The following WDFY4 variants were observed in gnomAD, a reference collection of about 807,000 sequenced individuals.
The protein encoded by WDFY4 is WDFY family member 4.
WDFY4 carries 169 observed loss-of-function variants against 351.9 expected under a neutral mutation model. The ratio of observed to expected loss-of-function variants is 0.48; its 90% CI spans 0.42 to 0.55. The LOEUF (loss-of-function observed/expected upper bound fraction) is 0.55, where lower values mean the gene tolerates loss of function less well. Among genes scored for constraint, WDFY4 ranks in the 20% least tolerant of loss-of-function variants. The pLI is 0.00. For synonymous variants in WDFY4, 1,622 were observed against 1,574.6 expected (o/e 1.03, Z -0.71); for missense variants, 3,803 against 3,935.6 (o/e 0.97, Z 0.90).
At chr10:48,763,222 C>G (rs150806267) in intron 13 of WDFY4, among the ~76,000 whole-genome samples, 13 of 152,276 alleles carry the variant, frequency 8.5e-5, no homozygotes, top group African/African-American at 3.1e-4. Context: ...GAGATGCTTC[C>G]CATTCTGCAG....
At chr10:48,877,383 A>G (rs2620880) in intron 43 of WDFY4, among the ~76,000 whole-genome samples, 184 bp downstream of exon 43, 70,237 of 152,036 alleles carry the variant, frequency 0.46, 18,368 homozygotes, top group East Asian at 0.71. Context: ...CCAGAGAAAG[A>G]GTGCAAAGGG....
chr10:48,731,329 A>T lies in WDFY4; in HGVS notation c.1349A>T (p.Gln450Leu), dbSNP rs1157533542. ...KPAPVQEHFFQLLEALVFELH... is the reference protein window; with the variant it reads ...KPAPVQEHFFLLLEALVFELH... ...GCCCCAGTGCAGGAACACTTCTTCC[A>T]GCTTCTAGAGGCCCTGGTGTTCGAG... The change falls in exon 9 of 62, where the codon CAG (glutamine) becomes CTG (leucine). Residue 450 changes from glutamine to leucine, a missense_variant. Transcript: ENST00000325239. 2.6e-6 allele frequency: 4 copies of T among 1,551,804 alleles called. No homozygotes were observed. The South Asian group carries it at 4.8e-5, about 18-fold the overall frequency.
At position 48,788,737 on chromosome 10, in the gene WDFY4, T is replaced by A. The variant is rs1036742554; in HGVS notation, c.3954+62T>A. 2.1e-5 allele frequency: 32 copies of A among 1,536,692 alleles called. 1 individual carries two copies. In the African/African-American group the frequency reaches 4.0e-4, roughly 19 times the overall value. On this transcript the variant is annotated intron_variant, in intron 21 of 61. Transcript: ENST00000325239. ...ATCTGGTTTCATGGTTTGCATTAGC[T>A]TTCAGTGCTTAAGTAAACACTATTT...
chr10:48,843,067 T>C (rs1259659173), intron 39 of WDFY4, among the ~76,000 whole-genome samples: 1 of 152,212 alleles, frequency 6.6e-6, no homozygotes, highest in Non-Finnish European at 1.5e-5. Context: ...CTCATCCAGG[T>C]AACAACCACT....
intron 23 of WDFY4, among the ~76,000 whole-genome samples, chr10:48,793,923 A>G (rs2066766477): frequency 6.6e-6 from 1 of 152,200 alleles, no homozygotes; most frequent in African/African-American, 2.4e-5. Context: ...TTCTCAGACT[A>G]AGCAATAGCC....
chr10:48,908,169 C>T (rs2133448060), intron 47 of WDFY4, among the ~76,000 whole-genome samples: 1 of 152,312 alleles, frequency 6.6e-6, no homozygotes, highest in African/African-American at 2.4e-5. Flanking sequence ...TGATGCAAGC[C>T]CCAGTCACTG....
chr10:48,915,974 A>C lies in WDFY4; in HGVS notation c.7586+14111A>C, dbSNP rs555205138. Among the ~76,000 whole-genome samples the C allele has an allele frequency of 8.9e-4, 136 of 152,348 alleles. No individual in the cohort carries two copies. In the South Asian group the frequency reaches 0.013, roughly 15 times the overall value. On this transcript the variant is annotated intron_variant, in intron 47 of 61. Transcript: ENST00000325239. ...CAGCTCTGAGAAACCAGATAGGATA[A>C]AACAGCTTAAAAAACAAAGTGGAGT... is the stretch of plus-strand genomic sequence containing the variant.
At chr10:48,835,950 C>T (rs2068375798) in intron 39 of WDFY4, among the ~76,000 whole-genome samples, 2 of 152,240 alleles carry the variant, frequency 1.3e-5, no homozygotes, top group Non-Finnish European at 1.5e-5. Flanking sequence ...CACGGTAGGC[C>T]CTTAAAGAAT....
chr10:48,699,203 A>G (rs2063413110), intron 1 of WDFY4, among the ~76,000 whole-genome samples: 1 of 152,138 alleles, frequency 6.6e-6, no homozygotes, highest in Non-Finnish European at 1.5e-5. Context: ...CAGGGTGACC[A>G]TGGAGAAGAG....
At position 48,702,586 on chromosome 10, in the gene WDFY4, G is replaced by A. The variant is rs74870742; in HGVS notation, c.-17-7130G>A. Among the ~76,000 whole-genome samples, 1,270 of 152,216 alleles carry A rather than the reference G, an allele frequency of 8.3e-3. 23 individuals are homozygous for A. Among genetic ancestry groups the A allele is most frequent in the African/African-American group, 0.028 (1,177 of 41,512 alleles). On this transcript the variant is annotated intron_variant, in intron 1 of 61. Coordinates refer to ENST00000325239, the MANE Select transcript of WDFY4 (RefSeq NM_001394531.1). The stretch of plus-strand genomic sequence containing the variant: ...CGTGTGTTCCTTTGTACTGTAGAGA[G>A]GGATTCTGCTGTATGGATGGATGAT...
intron 13 of WDFY4, among the ~76,000 whole-genome samples, chr10:48,766,875 A>G (rs17836435): frequency 0.053 from 8,119 of 152,318 alleles, 455 homozygotes; most frequent in East Asian, 0.28. Context: ...GGTAATGAAC[A>G]TGCATAAGTG....
chr10:48,738,237 T>A (rs993946226), intron 11 of WDFY4, among the ~76,000 whole-genome samples: 2 of 152,228 alleles, frequency 1.3e-5, no homozygotes, highest in African/African-American at 4.8e-5. Context: ...AAAAGAGTGA[T>A]CTGCTTTGCT....
Position 48,974,527 on chromosome 10 carries a change from A to AAAAAAAAAAACAAAACAAAACAAC in WDFY4, c.8929-333_8929-332insAAAAAAAACAAAACAAAACAACAA. On this transcript the variant is annotated intron_variant, in intron 57 of 61. Coordinates refer to ENST00000325239, the MANE Select transcript of WDFY4 (RefSeq NM_001394531.1). ...CAAAAAAAAAAAAAAAAAAAAAAAAAAACAACTCATGACATGAACTGCTCC... is the reference window on the plus strand; with the variant it reads ...CAAAAAAAAAAAAAAAAAAAAAAAAAAAAAAAAAAACAAAACAAAACAACAACAACTCATGACATGAACTGCTCC... Among the ~76,000 whole-genome samples the AAAAAAAAAAACAAAACAAAACAAC allele has an allele frequency of 8.6e-5, 2 of 23,148 alleles. 1 individual carries two copies. Among genetic ancestry groups the AAAAAAAAAAACAAAACAAAACAAC allele is most frequent in the African/African-American group, 1.5e-4 (2 of 13,752 alleles). The allele number at this position is 23,148 out of a possible 152,430, so 15.2% of individuals were successfully genotyped here. A position where few individuals can be genotyped will look rare whatever the true frequency, so the allele number is the denominator to read the frequency against.
At chr10:48,875,550 G>A (rs1280239493) in intron 42 of WDFY4, among the ~76,000 whole-genome samples, 1 of 152,142 alleles carries the variant, frequency 6.6e-6, no homozygotes, top group East Asian at 1.9e-4. Context: ...GAGTAGCTGG[G>A]ACTACAGGTA....
intron 1 of WDFY4, among the ~76,000 whole-genome samples, chr10:48,700,295 G>A (rs528659982): frequency 1.6e-4 from 24 of 152,250 alleles, no homozygotes; most frequent in African/African-American, 5.5e-4. Flanking sequence ...TGCTTTGTAC[G>A]TTATGTAGAC....
intron 24 of WDFY4, among the ~76,000 whole-genome samples, chr10:48,802,342 C>T (rs2051963975): frequency 6.6e-6 from 1 of 152,174 alleles, no homozygotes; most frequent in Non-Finnish European, 1.5e-5. Context: ...GGCCACTGCG[C>T]TCCAGCTTGG....
chr10:48,974,829 T>A, intron 57 of WDFY4, 33 bp from the exon 58 acceptor site: 2 of 1,492,588 alleles, frequency 1.3e-6, no homozygotes, highest in Non-Finnish European at 1.8e-6. Context: ...GAATTGAGGG[T>A]CCCTCTCCTA....
intron 60 of WDFY4, 36 bp downstream of exon 60, chr10:48,978,429 T>TTGCCC: frequency 6.5e-7 from 1 of 1,526,954 alleles, no homozygotes; most frequent in Non-Finnish European, 8.8e-7. Context: ...CGTCCTGGCC[T>TTGCCC]TGCCCTGCCC....
intron 1 of WDFY4, 75 bp from the exon 2 acceptor site, chr10:48,709,641 A>G: frequency 7.7e-7 from 1 of 1,301,608 alleles, no homozygotes; most frequent in Non-Finnish European, 1.1e-6. Context: ...GAGTGAGTAC[A>G]GTACCTTATC....
Sources: gnomAD v4.1 joint callset for allele counts (sites outside exome capture counted in the v4.1 genomes callset) on GRCh38, gnomAD v4.1.1 for gene constraint, MANE v1.5 for transcripts, NCBI Gene and HGNC (gene_info 2026-07-23, HGNC 2026-07-21) for gene names.